SSBP2: variants seen among roughly 807,000 people sequenced by gnomAD.
SSBP2 encodes single stranded DNA binding protein 2.
A neutral mutation model predicts 61.8 loss-of-function variants in SSBP2; 17 were observed. That is an observed-to-expected ratio of 0.28 (90% CI 0.19 to 0.41). The LOEUF (loss-of-function observed/expected upper bound fraction) is 0.41, where lower values mean the gene tolerates loss of function less well. Ranked by LOEUF, SSBP2 falls within the 10% of genes least tolerant of loss-of-function variation. SSBP2 has a pLI of 1.00. For missense variants in SSBP2, 310 were observed against 458.7 expected (o/e 0.68, Z 2.96); for synonymous variants, 139 against 141.3 (o/e 0.98, Z 0.12).
chr5:81,579,795 C>T (rs1375942557), intron 4 of SSBP2, among the ~76,000 whole-genome samples: 2 of 152,042 alleles, frequency 1.3e-5, no homozygotes, highest in African/African-American at 2.4e-5. Context: ...AGTACTTTTG[C>T]CAGTTCCTGT....
intron 5 of SSBP2, among the ~76,000 whole-genome samples, chr5:81,494,196 A>G (rs1010133298): frequency 3.3e-5 from 5 of 152,208 alleles, no homozygotes; most frequent in African/African-American, 9.6e-5. Flanking sequence ...TTGATAGAAC[A>G]TGTAGTGCTA....
chr5:81,487,473 T>C (rs1001685896), intron 6 of SSBP2, among the ~76,000 whole-genome samples: 26 of 152,174 alleles, frequency 1.7e-4, no homozygotes, highest in Admixed American at 1.4e-3. Flanking sequence ...CAGCTAATTA[T>C]TTGCCTAACC....
chr5:81,749,958 C>G (rs999203966), intron 1 of SSBP2, among the ~76,000 whole-genome samples: 7 of 152,164 alleles, frequency 4.6e-5, no homozygotes, highest in African/African-American at 1.4e-4. Context: ...CACTGGCCCT[C>G]CCCGCCACAG....
intron 4 of SSBP2, among the ~76,000 whole-genome samples, chr5:81,593,870 C>T (rs967459845): frequency 4.6e-5 from 7 of 152,294 alleles, no homozygotes; most frequent in Middle Eastern, 3.4e-3. Flanking sequence ...ACAACTGGTA[C>T]CAGCCACTGC....
chr5:81,660,965 C>G (rs1271352655), intron 1 of SSBP2, among the ~76,000 whole-genome samples: 1 of 150,630 alleles, frequency 6.6e-6, no homozygotes, highest in Non-Finnish European at 1.5e-5. Flanking sequence ...AATGAGAACA[C>G]ATGGACACAG....
chr5:81,573,198 G>T (rs532264085), intron 4 of SSBP2, among the ~76,000 whole-genome samples: 1 of 151,994 alleles, frequency 6.6e-6, no homozygotes, highest in Non-Finnish European at 1.5e-5. Flanking sequence ...AGACAATAAG[G>T]GCTCTGTAAA....
intron 2 of SSBP2, among the ~76,000 whole-genome samples, chr5:81,648,187 A>G (rs1211500751): frequency 1.3e-5 from 2 of 152,104 alleles, no homozygotes; most frequent in African/African-American, 4.8e-5. Context: ...AAGAATACAA[A>G]AAGACATCCT....
intron 15 of SSBP2, among the ~76,000 whole-genome samples, chr5:81,431,937 T>C (rs925345852): frequency 2.6e-5 from 4 of 152,186 alleles, no homozygotes; most frequent in African/African-American, 9.7e-5. Flanking sequence ...TCCTCAAAAA[T>C]TGTTTCAAAC....
intron 4 of SSBP2, among the ~76,000 whole-genome samples, chr5:81,574,648 C>T (rs1019025749): frequency 2.6e-5 from 4 of 151,668 alleles, no homozygotes. Context: ...AAAGGTAAAA[C>T]GCGGCGAAAA....
intron 4 of SSBP2, among the ~76,000 whole-genome samples, chr5:81,550,072 A>G (rs1205261154): frequency 1.3e-5 from 2 of 152,330 alleles, no homozygotes; most frequent in East Asian, 1.9e-4. Context: ...AAGAAATAGA[A>G]GACTATATCT....
At chr5:81,423,238 C>T (rs1761722987) in intron 16 of SSBP2, among the ~76,000 whole-genome samples, 1 of 152,184 alleles carries the variant, frequency 6.6e-6, no homozygotes, top group Non-Finnish European at 1.5e-5. Context: ...CTGCAACAGC[C>T]ACTAGCCAGA....
At chr5:81,462,221 C>T (rs899376906) in intron 9 of SSBP2, among the ~76,000 whole-genome samples, 1 of 152,002 alleles carries the variant, frequency 6.6e-6, no homozygotes, top group Non-Finnish European at 1.5e-5. Flanking sequence ...AGAAAGTTTA[C>T]AAATTTGTGT....
intron 4 of SSBP2, among the ~76,000 whole-genome samples, chr5:81,578,470 T>C (rs1366964812): frequency 2.0e-5 from 3 of 151,940 alleles, no homozygotes; most frequent in Non-Finnish European, 4.4e-5. Context: ...TTAAATTGTT[T>C]CTGGATTTCA....
Position 81,535,427 on chromosome 5 carries a change from G to T in SSBP2, c.283-21710C>A, listed in dbSNP as rs188482910. 4.7e-3 allele frequency among the ~76,000 whole-genome samples: 714 copies of T among 152,076 alleles called. 1 individual carries two copies. Among genetic ancestry groups the T allele is most frequent in the Middle Eastern group, 0.02 (6 of 294 alleles). ...ACGAACTTATTTCGTCGCTATTGAT[G>T]AACAAATTGTAAAGTTTATATGAAT... is the stretch of plus-strand genomic sequence containing the variant. On this transcript the variant is annotated intron_variant, in intron 4 of 16. Transcript: ENST00000320672.
At chr5:81,686,737 C>G in intron 1 of SSBP2, among the ~76,000 whole-genome samples, 1 of 151,310 alleles carries the variant, frequency 6.6e-6, no homozygotes, top group East Asian at 1.9e-4. Context: ...TGCCTATAGT[C>G]CTAGCTACTC....
At chr5:81,616,568 A>C (rs2153609911) in intron 3 of SSBP2, 2 of 148,924 alleles carry the variant, frequency 1.3e-5, no homozygotes, top group South Asian at 4.3e-4. Context: ...TAAACAAAGC[A>C]GCCGGGAAGC....
At chr5:81,591,181 A>C (rs2153516089) in intron 4 of SSBP2, among the ~76,000 whole-genome samples, 1 of 152,308 alleles carries the variant, frequency 6.6e-6, no homozygotes, top group Non-Finnish European at 1.5e-5. Flanking sequence ...CCTAAACACA[A>C]GATAATGCTA....
chr5:81,634,359 G>C (rs1748003589), intron 3 of SSBP2, among the ~76,000 whole-genome samples: 1 of 152,138 alleles, frequency 6.6e-6, no homozygotes, highest in Admixed American at 6.5e-5. Context: ...GCTTTGAGTA[G>C]TCTTGTCTTT....
intron 14 of SSBP2, among the ~76,000 whole-genome samples, chr5:81,438,794 CA>C (rs1365950276): frequency 1.3e-5 from 2 of 151,924 alleles, no homozygotes; most frequent in Non-Finnish European, 2.9e-5. Context: ...AATTATTTTG[CA>C]ATAAATTGGA....
Sources: gnomAD v4.1 joint callset for allele counts (sites outside exome capture counted in the v4.1 genomes callset) on GRCh38, gnomAD v4.1.1 for gene constraint, MANE v1.5 for transcripts, NCBI Gene and HGNC (gene_info 2026-07-23, HGNC 2026-07-21) for gene names.